KRT74: variants seen among roughly 807,000 people sequenced by gnomAD.
The protein encoded by KRT74 is keratin 74, also known as keratin, type II cytoskeletal 74.
In KRT74, 43 loss-of-function variants were observed where a neutral mutation model predicts 42.7. The observed-to-expected ratio is 1.01, with a 90% CI of 0.79 to 1.30. The LOEUF (loss-of-function observed/expected upper bound fraction) is 1.30, where lower values mean the gene tolerates loss of function less well. Among genes scored for constraint, KRT74 ranks in the 50% most tolerant of loss-of-function variants. The pLI, the probability that KRT74 is intolerant of heterozygous loss-of-function variation, is 0.00. For synonymous variants in KRT74, 302 were observed against 279.0 expected (o/e 1.08, Z -0.82); for missense variants, 736 against 689.1 (o/e 1.07, Z -0.76).
In KRT74 at chr12:52,567,061, T is replaced by C. The variant is rs1239367817; in HGVS notation, c.1498A>G (p.Thr500Ala). ...GSSGSTQSGQ[T>A]KTTEARGGDL... The stretch of plus-strand genomic sequence containing the variant: ...CCCCCTCGCGCCTCTGTGGTCTTGG[T>C]CTGCCCGCTCTGGGTGCTGCCAGAG... The change falls in exon 9 of 9, where the codon ACC becomes GCC. Residue 500 changes from threonine (T) to alanine (A), a missense_variant. Transcript: ENST00000305620. 6 of 1,595,448 alleles carry C rather than the reference T, an allele frequency of 3.8e-6. No homozygotes were observed. Among genetic ancestry groups the C allele is most frequent in the South Asian group, 1.1e-5 (1 of 89,498 alleles).
chr12:52,571,848 C>T, intron 3 of KRT74, 96 bp downstream of exon 3: 1 of 903,402 alleles, frequency 1.1e-6, no homozygotes, highest in Non-Finnish European at 1.9e-6. Context: ...CACCAGGCAC[C>T]AGCCCCCTCC....
chr12:52,570,379 G>A (rs1032619256), intron 5 of KRT74, among the ~76,000 whole-genome samples: 5 of 152,184 alleles, frequency 3.3e-5, no homozygotes, highest in African/African-American at 9.7e-5. Flanking sequence ...CTATAAGTGT[G>A]TTTGTTTTAC....
At position 52,573,825 on chromosome 12, in the gene KRT74, G is replaced by A; in HGVS notation, c.-48C>T. 1.4e-6 allele frequency: 2 copies of A among 1,472,228 alleles called. No individual in the cohort carries two copies. The highest frequency in any genetic ancestry group is 1.9e-6 in the Non-Finnish European group (2 of 1,054,612). 91.2% of individuals were successfully genotyped at this position (1,472,228 alleles called of 1,614,324 possible). On this transcript the variant is annotated 5_prime_UTR_variant, in exon 1 of 9. Transcript: ENST00000305620. ...GAGCTGGAGAAAAGCAGTCTCCAAGGGGTAGAGAACACACTGATGGGGCAC... is the reference window on the plus strand; with the variant it reads ...GAGCTGGAGAAAAGCAGTCTCCAAGAGGTAGAGAACACACTGATGGGGCAC...
At chr12:52,568,413 C>G in intron 6 of KRT74, 24 bp from the exon 7 acceptor site, 1 of 1,611,822 alleles carries the variant, frequency 6.2e-7, no homozygotes, top group South Asian at 1.1e-5. Flanking sequence ...AACAGAGAGA[C>G]CATCAGAACA....
intron 6 of KRT74, 93 bp downstream of exon 6, chr12:52,569,766 G>C: frequency 6.5e-7 from 1 of 1,529,728 alleles, no homozygotes; most frequent in Non-Finnish European, 9.0e-7. Context: ...AGCCCAGCAG[G>C]GGATATTTGC....
chr12:52,569,069 T>C (rs3912631), intron 6 of KRT74, among the ~76,000 whole-genome samples: 47,440 of 151,988 alleles, frequency 0.31, 7,730 homozygotes, highest in African/African-American at 0.39. Context: ...TGTGTTTGCC[T>C]GCAGAGCATG....
Position 52,567,067 on chromosome 12 carries a change from C to A in KRT74, c.1492G>T (p.Gly498Trp), listed in dbSNP as rs763304950. The A allele has an allele frequency of 2.5e-6, 4 of 1,594,584 alleles. No individual in the cohort carries two copies. In the African/African-American group the frequency reaches 5.4e-5, roughly 21 times the overall value. ...VAGSSGSTQSGQTKTTEARGG... is the reference protein window; with the variant it reads ...VAGSSGSTQSWQTKTTEARGG... Reference sequence around the variant, plus strand: ...CGCGCCTCTGTGGTCTTGGTCTGCCCGCTCTGGGTGCTGCCAGAGCTGCCT... The same window carrying A: ...CGCGCCTCTGTGGTCTTGGTCTGCCAGCTCTGGGTGCTGCCAGAGCTGCCT... Residue 498 changes from glycine (G) to tryptophan (W), a missense_variant, in exon 9 of 9, where the codon GGG becomes TGG. Gly to Trp is a radical substitution (Grantham distance 184, BLOSUM62 -2). Transcript: ENST00000305620.
In KRT74 at chr12:52,566,949, A is replaced by G. The variant is rs1939391339; in HGVS notation, c.*20T>C. The G allele has an allele frequency of 5.6e-6, 9 of 1,600,684 alleles. No individual in the cohort carries two copies. Among genetic ancestry groups the G allele is most frequent in the Non-Finnish European group, 7.7e-6 (9 of 1,171,560 alleles). On this transcript the variant is annotated 3_prime_UTR_variant, in exon 9 of 9. Transcript: ENST00000305620. ...AAGTCACCTCTTCTTCCAAGTGCTGAGGTGGGTGAGGCCATGGGTCTAGCG... is the reference window on the plus strand; with the variant it reads ...AAGTCACCTCTTCTTCCAAGTGCTGGGGTGGGTGAGGCCATGGGTCTAGCG...
Position 52,572,018 on chromosome 12 carries a change from G to A in KRT74, c.687-14C>T, listed in dbSNP as rs757288514. 3.8e-6 allele frequency: 6 copies of A among 1,577,734 alleles called. No homozygotes were observed. The highest frequency in any genetic ancestry group is 3.3e-4 in the Middle Eastern group (2 of 6,010). ...TCCACTTCATATCTGCCAGCAGGGA[G>A]AGTAGATGGCCTTAGCCCCCTTAGC... On this transcript the variant is annotated splice_polypyrimidine_tract_variant and intron_variant, in intron 2 of 8. Transcript: ENST00000305620.
intron 7 of KRT74, 48 bp from the exon 8 acceptor site, chr12:52,567,741 C>T (rs914385926): frequency 2.9e-6 from 4 of 1,401,130 alleles, no homozygotes; most frequent in Non-Finnish European, 4.1e-6. Flanking sequence ...TGTCGAGATT[C>T]CACTAAACAT....
chr12:52,570,096 G>A (rs554576775), intron 5 of KRT74, 112 bp from the exon 6 acceptor site: 493 of 1,261,626 alleles, frequency 3.9e-4, no homozygotes, highest in Non-Finnish European at 5.3e-4. Context: ...CGGAACTGAA[G>A]AGGAGTGCTG....
chr12:52,567,739 T>C (rs753425866), intron 7 of KRT74, 46 bp from the exon 8 acceptor site: 1 of 1,461,748 alleles, frequency 6.8e-7, no homozygotes, highest in Non-Finnish European at 9.6e-7. Flanking sequence ...AGTGTCGAGA[T>C]TCCACTAAAC....
chr12:52,573,438 G>C lies in KRT74; in HGVS notation c.340C>G (p.Gln114Glu). The C allele has an allele frequency of 6.2e-7, 1 of 1,614,204 alleles. No individual in the cohort carries two copies. The highest frequency in any genetic ancestry group is 8.5e-7 in the Non-Finnish European group (1 of 1,180,040). Reference protein sequence around the residue: ...LSVCPPGGIHQVTVNKSLLAP... With the variant: ...LSVCPPGGIHEVTVNKSLLAP... ...AAGAGGCTCTTGTTGACAGTGACCT[G>C]GTGGATGCCCCCAGGTGGGCACACA... The change falls in exon 1 of 9, where the codon CAG (glutamine) becomes GAG (glutamate). Residue 114 changes from glutamine to glutamate, a missense_variant. By Grantham distance (29) the Gln-to-Glu change is conservative. Coordinates refer to ENST00000305620, the MANE Select transcript of KRT74 (RefSeq NM_175053.4).
At position 52,566,315 on chromosome 12, in the gene KRT74, CTAG is replaced by C. The variant is rs1342318962; in HGVS notation, c.*651_*653del. Reference sequence around the variant, plus strand: ...GCAATATGTGTAGGGTGTCTGGCATCTAGTAGGTGCTTGACAAATGATGGTAGC... The same window carrying C: ...GCAATATGTGTAGGGTGTCTGGCATCTAGGTGCTTGACAAATGATGGTAGC... On this transcript the variant is annotated 3_prime_UTR_variant, in exon 9 of 9. Transcript: ENST00000305620. The C allele has an allele frequency of 6.6e-6, 1 of 151,944 alleles. No homozygotes were observed. The highest frequency in any genetic ancestry group is 1.5e-5 in the Non-Finnish European group (1 of 68,014). 9.4% of individuals were successfully genotyped at this position (151,944 alleles called of 1,614,324 possible).
rs1939532157 is a variant in KRT74, at chr12:52,573,739, C to G, written c.39G>C (p.Lys13Asn). The change falls in exon 1 of 9, where the codon AAG (lysine) becomes AAC (asparagine). Residue 13 changes from lysine to asparagine, a missense_variant. Coordinates refer to ENST00000305620, the MANE Select transcript of KRT74 (RefSeq NM_175053.4). ...CTGCCGAATGCACACTGAAGTTGCCCTTGTCACCACTGGACTTGATGTTCA... is the reference window on the plus strand; with the variant it reads ...CTGCCGAATGCACACTGAAGTTGCCGTTGTCACCACTGGACTTGATGTTCA... ...RQLNIKSSGD[K>N]GNFSVHSAVV... 1 of 1,613,954 alleles carries G rather than the reference C, an allele frequency of 6.2e-7. No homozygotes were observed.
intron 6 of KRT74, chr12:52,569,490 C>A: frequency 1.6e-6 from 1 of 610,432 alleles, no homozygotes; most frequent in South Asian, 2.0e-5. Context: ...GAGGGGGCAC[C>A]CAAAGGGGAC....
rs771938985 is a variant in KRT74 at position 52,573,369 on chromosome 12, G to T, written c.409C>A (p.Arg137Ser). 6.2e-7 allele frequency: 1 copy of T among 1,614,172 alleles called. No homozygotes were observed. Among genetic ancestry groups the T allele is most frequent in the East Asian group, 2.2e-5 (1 of 44,868 alleles). ...TTGATCTGTTCCCGCTCCTGGGCGC[G>T]CACCTTCTGGATCTCAGGGTCCAGC... ...VELDPEIQKVRAQEREQIKVL... is the reference protein window; with the variant it reads ...VELDPEIQKVSAQEREQIKVL... Residue 137 changes from arginine (R) to serine (S), a missense_variant, in exon 1 of 9, where the codon CGC (arginine) becomes AGC (serine). By Grantham distance (110) the Arg-to-Ser change is moderately radical (BLOSUM62 -1). Coordinates refer to ENST00000305620, the MANE Select transcript of KRT74 (RefSeq NM_175053.4).
rs201731972 is a variant in KRT74 at position 52,572,602 on chromosome 12, G to A, written c.537C>T (p.Asp179=). 1.2e-5 allele frequency: 19 copies of A among 1,614,142 alleles called. No individual in the cohort carries two copies. The African/African-American group carries it at 2.5e-4, about 22-fold the overall frequency. Residue 179 remains aspartate (D), a synonymous_variant, in exon 2 of 9, where the codon GAC becomes GAT. Transcript: ENST00000305620. The part of the protein sequence containing the change: ...ETKWELLQQL[D]LNNCKKNLEP... ...CCAGGTTCTTCTTGCAGTTGTTCAG[G>A]TCCAGCTGCTGCAGCAGCTCCCACT... is the stretch of plus-strand genomic sequence containing the variant.
chr12:52,572,412 C>A (rs371552766), intron 2 of KRT74, 41 bp downstream of exon 2: 2 of 1,606,506 alleles, frequency 1.2e-6, no homozygotes, highest in South Asian at 2.2e-5. Context: ...CCCAGAGGCA[C>A]GGGAAACATG....
Sources: allele counts gnomAD v4.1 joint callset (sites outside exome capture counted in the v4.1 genomes callset), GRCh38; gene constraint gnomAD v4.1.1; transcripts MANE v1.5; gene names NCBI Gene and HGNC (gene_info 2026-07-23, HGNC 2026-07-21).